The following ELOVL7 variants were observed in gnomAD, a reference collection of about 807,000 sequenced individuals.
ELOVL7 encodes very long chain fatty acid elongase 7.
ELOVL7 carries 27 observed loss-of-function variants against 35.7 expected under a neutral mutation model. That is an observed-to-expected ratio of 0.76 (90% CI 0.56 to 1.04). ELOVL7 has a LOEUF of 1.04. ELOVL7 is among the 50% of genes least tolerant of loss of function. The probability of loss-of-function intolerance (pLI) is 0.00; values close to 1 mark genes in which losing one functional copy is unlikely to be tolerated. For synonymous variants in ELOVL7, 113 were observed against 114.6 expected, an observed-to-expected ratio of 0.99 and a Z score of 0.09; for missense variants, 327 against 340.8, an observed-to-expected ratio of 0.96 and a Z score of 0.32.
chr5:60,818,408 T>C (rs189706474), intron 1 of ELOVL7, among the ~76,000 whole-genome samples: 91 of 147,652 alleles, frequency 6.2e-4, no homozygotes, highest in African/African-American at 2.2e-3. Flanking sequence ...TCACTAAAAA[T>C]CACACAAGAC....
At position 60,788,291 on chromosome 5, in the gene ELOVL7, T is replaced by C. The variant is rs527593935; in HGVS notation, c.-34-860A>G. ...AATGAATGGTATGCCATAAAATTAC[T>C]GGTATATTTGATTCAAAGCCATGTG... On this transcript the variant is annotated intron_variant, in intron 2 of 8. Transcript: ENST00000508821. Among the ~76,000 whole-genome samples, 342 of 152,248 alleles carry C rather than the reference T, an allele frequency of 2.2e-3. 1 individual carries two copies. The highest frequency in any genetic ancestry group is 7.9e-3 in the African/African-American group (329 of 41,538).
At chr5:60,795,124 C>G (rs10076679) in intron 2 of ELOVL7, among the ~76,000 whole-genome samples, 88,275 of 151,928 alleles carry the variant, frequency 0.58, 26,393 homozygotes, top group East Asian at 0.89. Flanking sequence ...AAGGCAAAGG[C>G]AGCTAACTGT....
intron 3 of ELOVL7, among the ~76,000 whole-genome samples, chr5:60,777,837 A>G (rs142485695): frequency 2.6e-4 from 39 of 152,340 alleles, no homozygotes; most frequent in African/African-American, 8.9e-4. Flanking sequence ...GAAGGAGTCA[A>G]AGCATTAAGT....
intron 3 of ELOVL7, chr5:60,785,813 G>C (rs1307545846): frequency 6.6e-6 from 1 of 152,266 alleles, no homozygotes; most frequent in Non-Finnish European, 1.5e-5. Flanking sequence ...CTCTCTCTAT[G>C]AGATACTTAC....
chr5:60,760,689 G>T (rs1033970399), intron 7 of ELOVL7, among the ~76,000 whole-genome samples: 2 of 152,166 alleles, frequency 1.3e-5, no homozygotes, highest in African/African-American at 4.8e-5. Flanking sequence ...ATTGCTTTTG[G>T]TGTTGTAGAC....
chr5:60,813,707 C>CAA (rs1352568558), intron 1 of ELOVL7, among the ~76,000 whole-genome samples: 1 of 151,776 alleles, frequency 6.6e-6, no homozygotes. Context: ...GTTAAAAGAC[C>CAA]ACTAGCCTGG....
chr5:60,818,590 TACTC>T (rs1420464898), intron 1 of ELOVL7, among the ~76,000 whole-genome samples: 2 of 152,152 alleles, frequency 1.3e-5, no homozygotes, highest in African/African-American at 4.8e-5. Flanking sequence ...TTATAATAAT[TACTC>T]ACATTTACTG....
chr5:60,781,203 C>G (rs1293312802), intron 3 of ELOVL7, among the ~76,000 whole-genome samples: 1 of 147,582 alleles, frequency 6.8e-6, no homozygotes. Context: ...AGAGTAAGAC[C>G]CTGTCTCAGA....
chr5:60,766,932 T>TATA (rs1239449316), intron 5 of ELOVL7, among the ~76,000 whole-genome samples: 1 of 152,224 alleles, frequency 6.6e-6, no homozygotes, highest in Non-Finnish European at 1.5e-5. Context: ...AGGCACCTCA[T>TATA]ATAAGCCAAA....
intron 1 of ELOVL7, among the ~76,000 whole-genome samples, chr5:60,803,442 C>T (rs1192024995): frequency 6.6e-6 from 1 of 152,182 alleles, no homozygotes; most frequent in Non-Finnish European, 1.5e-5. Context: ...CTGATAGGTG[C>T]TCAGGATAAA....
At chr5:60,770,391 A>G (rs935328275) in intron 4 of ELOVL7, among the ~76,000 whole-genome samples, 1 of 152,216 alleles carries the variant, frequency 6.6e-6, no homozygotes, top group Admixed American at 6.5e-5. Context: ...GAGAGAACTG[A>G]GGCCCAGAGA....
intron 2 of ELOVL7, among the ~76,000 whole-genome samples, chr5:60,791,710 AGT>A (rs1179538735): frequency 6.6e-6 from 1 of 152,136 alleles, no homozygotes; most frequent in African/African-American, 2.4e-5. Context: ...TCTTAGTATG[AGT>A]GTTTGAGACC....
chr5:60,818,803 C>T (rs1359832169), intron 1 of ELOVL7, among the ~76,000 whole-genome samples: 4 of 150,570 alleles, frequency 2.7e-5, no homozygotes, highest in African/African-American at 4.9e-5. Flanking sequence ...GTCAGGAATT[C>T]GAGACCAGCC....
At chr5:60,780,776 G>T (rs1028555309) in intron 3 of ELOVL7, among the ~76,000 whole-genome samples, 3 of 152,182 alleles carry the variant, frequency 2.0e-5, no homozygotes, top group African/African-American at 7.2e-5. Context: ...CGTGAGAAGA[G>T]CATGGGGGAA....
rs373223168 is a variant in ELOVL7 at position 60,783,946 on chromosome 5, G to A, written c.64+3388C>T. 48 of 558,596 alleles carry A rather than the reference G, an allele frequency of 8.6e-5. 1 individual carries two copies. Among genetic ancestry groups the A allele is most frequent in the African/African-American group, 8.0e-4 (44 of 54,970 alleles). 34.6% of individuals were successfully genotyped at this position (558,596 alleles called of 1,614,324 possible). On this transcript the variant is annotated intron_variant, in intron 3 of 8. Coordinates refer to ENST00000508821, the MANE Select transcript of ELOVL7 (RefSeq NM_024930.3). ...ATTTGGTTTAAGTGTCATGAGTAGA[G>A]CCATGATAGAAGCAGAGGATGGGAA...
rs770400440 is a variant in ELOVL7 at position 60,782,912 on chromosome 5, A to G, written c.64+4422T>C. On this transcript the variant is annotated intron_variant, in intron 3 of 8. Transcript: ENST00000508821. Reference sequence around the variant, plus strand: ...TAGAGCTAATAATACTGTATATTTCAAAATTGTAAAAAGTAAATTTCAAAT... The same window carrying G: ...TAGAGCTAATAATACTGTATATTTCGAAATTGTAAAAAGTAAATTTCAAAT... Among the ~76,000 whole-genome samples, 93 of 152,368 alleles carry G rather than the reference A, an allele frequency of 6.1e-4. 1 individual carries two copies. Among genetic ancestry groups the G allele is most frequent in the Non-Finnish European group, 7.3e-4 (50 of 68,038 alleles).
intron 1 of ELOVL7, among the ~76,000 whole-genome samples, chr5:60,816,703 C>G (rs1745536834): frequency 6.6e-6 from 1 of 151,994 alleles, no homozygotes; most frequent in African/African-American, 2.4e-5. Flanking sequence ...AGAAATTAAC[C>G]AGTAGATGCA....
At chr5:60,818,113 T>A (rs1745637237) in intron 1 of ELOVL7, among the ~76,000 whole-genome samples, 1 of 150,860 alleles carries the variant, frequency 6.6e-6, no homozygotes, top group Non-Finnish European at 1.5e-5. Flanking sequence ...AGGTCAGGAG[T>A]TCGAGACCAG....
At position 60,752,258 on chromosome 5, in the gene ELOVL7, C is replaced by G. The variant is rs981893493; in HGVS notation, c.*2366G>C. On this transcript the variant is annotated 3_prime_UTR_variant, in exon 9 of 9. Transcript: ENST00000508821. Reference sequence around the variant, plus strand: ...TTTCTATGGAGGATACTTCTAGCAGCTGTGATTTCTTTTGTAGCATTCTGG... The same window carrying G: ...TTTCTATGGAGGATACTTCTAGCAGGTGTGATTTCTTTTGTAGCATTCTGG... 1.3e-5 allele frequency: 2 copies of G among 152,558 alleles called. No homozygotes were observed. The highest frequency in any genetic ancestry group is 2.9e-5 in the Non-Finnish European group (2 of 68,028). 9.5% of individuals were successfully genotyped at this position (152,558 alleles called of 1,614,324 possible). A position where few individuals can be genotyped will look rare whatever the true frequency, so the allele number is the denominator to read the frequency against.
Sources: allele counts gnomAD v4.1 joint callset (sites outside exome capture counted in the v4.1 genomes callset), GRCh38; gene constraint gnomAD v4.1.1; transcripts MANE v1.5; gene names NCBI Gene and HGNC (gene_info 2026-07-23, HGNC 2026-07-21).